The following USP14 variants were observed in gnomAD, a reference collection of about 807,000 sequenced individuals.
USP14 encodes ubiquitin specific peptidase 14.
In USP14, 38 loss-of-function variants were observed where a neutral mutation model predicts 76.5. That is an observed-to-expected ratio of 0.50 (90% CI 0.38 to 0.65). The LOEUF is 0.65. Ranked by LOEUF, USP14 falls within the 30% of genes least tolerant of loss-of-function variation. USP14 has a pLI of 0.00. For missense variants in USP14, 467 were observed against 586.5 expected (o/e 0.80, Z 2.10); for synonymous variants, 192 against 191.7 (o/e 1.00, Z -0.01).
Position 182,602 on chromosome 18 carries a change from C to CT in USP14, c.404+2264dup, listed in dbSNP as rs1567830008. Among the ~76,000 whole-genome samples, 4 of 152,290 alleles carry CT rather than the reference C, an allele frequency of 2.6e-5. No individual in the cohort carries two copies. The South Asian group carries it at 8.3e-4, about 32-fold the overall frequency. On this transcript the variant is annotated intron_variant, in intron 5 of 15. Transcript: ENST00000261601. ...GCACCTACAGTCTAATAGAGAAAGA[C>CT]TATCAAGTAAACAGGTACTGTTTCA... is the stretch of plus-strand genomic sequence containing the variant.
intron 5 of USP14, among the ~76,000 whole-genome samples, chr18:181,544 A>G (rs962097566): frequency 2.0e-5 from 3 of 152,148 alleles, no homozygotes; most frequent in Non-Finnish European, 4.4e-5. Flanking sequence ...TAAAAATTCA[A>G]TTGTGTTTTT....
At chr18:185,349 G>A (rs576284092) in intron 5 of USP14, among the ~76,000 whole-genome samples, 48 of 152,112 alleles carry the variant, frequency 3.2e-4, no homozygotes, top group African/African-American at 1.1e-3. Flanking sequence ...AGTAGAGACG[G>A]GTTTTGCTAT....
In USP14 at chr18:198,105, A is replaced by G; in HGVS notation, c.734A>G (p.Gln245Arg). 6.2e-7 allele frequency: 1 copy of G among 1,609,912 alleles called. No individual in the cohort carries two copies. Among genetic ancestry groups the G allele is most frequent in the Non-Finnish European group, 8.5e-7 (1 of 1,177,284 alleles). The change falls in exon 9 of 16, where the codon CAG becomes CGG. Residue 245 changes from glutamine to arginine, a missense_variant. Transcript: ENST00000261601. ...TPSKKKSLIDQFFGVEFETTM... is the reference protein window; with the variant it reads ...TPSKKKSLIDRFFGVEFETTM... ...TCTAAAAAGAAAAGTTTAATCGATC[A>G]GTTCTTCGGTGTTGAGTTTGAAACT...
At chr18:165,552 A>G (rs1158651981) in intron 2 of USP14, among the ~76,000 whole-genome samples, 2 of 152,186 alleles carry the variant, frequency 1.3e-5, no homozygotes, top group South Asian at 2.1e-4. Context: ...TTGAGTACTT[A>G]TTTTATGTCA....
rs1194946972 is a variant in USP14 at position 211,464 on chromosome 18, A to G, written c.*180A>G. ...CCTAAAAAATTACAGAGAAGAGAAA[A>G]TTATCTTTGGATTGTGCTGCCCTAT... On this transcript the variant is annotated 3_prime_UTR_variant, in exon 16 of 16. Transcript: ENST00000261601. The G allele has an allele frequency of 7.5e-6, 4 of 535,920 alleles. No individual in the cohort carries two copies. The highest frequency in any genetic ancestry group is 1.2e-5 in the Non-Finnish European group (4 of 322,738). The allele number at this position is 535,920 out of a possible 1,614,324, so 33.2% of individuals were successfully genotyped here.
intron 6 of USP14, 98 bp from the exon 7 acceptor site, chr18:196,535 AAATT>A (rs925415549): frequency 8.6e-6 from 12 of 1,395,118 alleles, no homozygotes; most frequent in East Asian, 7.8e-5. Context: ...AAAAAAAAAA[AAATT>A]AAGTAAGTTT....
chr18:172,859 G>A (rs936013380), intron 3 of USP14, among the ~76,000 whole-genome samples: 4 of 152,056 alleles, frequency 2.6e-5, no homozygotes, highest in South Asian at 2.1e-4. Context: ...GCTTTATTGC[G>A]ATATTTGCTT....
intron 5 of USP14, among the ~76,000 whole-genome samples, chr18:191,450 A>G (rs1256888544): frequency 6.6e-6 from 1 of 152,204 alleles, no homozygotes; most frequent in Non-Finnish European, 1.5e-5. Flanking sequence ...AGTGAAATGC[A>G]TATATCTTAA....
intron 13 of USP14, among the ~76,000 whole-genome samples, chr18:208,747 CATTT>C (rs1179664330): frequency 6.6e-6 from 1 of 151,940 alleles, no homozygotes; most frequent in Non-Finnish European, 1.5e-5. Flanking sequence ...AATTCTATTA[CATTT>C]ATTTATTTAT....
At chr18:194,644 A>T (rs1910181287) in intron 6 of USP14, among the ~76,000 whole-genome samples, 1 of 152,164 alleles carries the variant, frequency 6.6e-6, no homozygotes, top group South Asian at 2.1e-4. Context: ...AATTTTCAGA[A>T]TCTGGGCTGG....
intron 3 of USP14, among the ~76,000 whole-genome samples, chr18:170,238 A>T (rs1033651786): frequency 7.2e-5 from 11 of 152,170 alleles, no homozygotes; most frequent in Admixed American, 6.5e-4. Context: ...TGGGAGATGG[A>T]GGTTGCAGTG....
At chr18:189,349 C>T (rs1248869618) in intron 5 of USP14, among the ~76,000 whole-genome samples, 2 of 151,998 alleles carry the variant, frequency 1.3e-5, no homozygotes, top group African/African-American at 2.4e-5. Flanking sequence ...TGTTTACTTA[C>T]CCTTGTGTAG....
At chr18:167,934 CTTTTT>C (rs34207469) in intron 3 of USP14, among the ~76,000 whole-genome samples, 1 of 116,120 alleles carries the variant, frequency 8.6e-6, no homozygotes. Context: ...ATTTTTCTCT[CTTTTT>C]TTTTTTTTTT....
Position 214,519 on chromosome 18 carries a change from A to G in USP14, c.*3235A>G. ...CAGAGCACCAGCCGACTGTACAACA[A>G]TTGTTATAAAAATGTTTATTGTTTA... On this transcript the variant is annotated 3_prime_UTR_variant, in exon 16 of 16. Coordinates refer to ENST00000261601, the MANE Select transcript of USP14 (RefSeq NM_005151.4). 1.1e-6 allele frequency: 1 copy of G among 886,404 alleles called. No individual in the cohort carries two copies. Among genetic ancestry groups the G allele is most frequent in the Middle Eastern group, 3.2e-4 (1 of 3,086 alleles). The allele number at this position is 886,404 out of a possible 1,614,324, so 54.9% of individuals were successfully genotyped here.
chr18:163,158 A>G (rs555068794), intron 1 of USP14, 150 bp from the exon 2 acceptor site: 61 of 620,500 alleles, frequency 9.8e-5, no homozygotes, highest in East Asian at 6.0e-4. Context: ...TACTGCATGC[A>G]TGCTCCTCTT....
rs1258217854 is a variant in USP14 at position 203,139 on chromosome 18, G to T, written c.984G>T (p.Met328Ile). The T allele has an allele frequency of 7.4e-6, 12 of 1,613,882 alleles. No homozygotes were observed. The highest frequency in any genetic ancestry group is 9.3e-6 in the Non-Finnish European group (11 of 1,179,988). The change falls in exon 12 of 16, where the codon ATG (methionine) becomes ATT (isoleucine). Residue 328 changes from methionine to isoleucine, a missense_variant. Coordinates refer to ENST00000261601, the MANE Select transcript of USP14 (RefSeq NM_005151.4). Reference protein sequence around the residue: ...SRLPAYLTIQMVRFFYKEKES... With the variant: ...SRLPAYLTIQIVRFFYKEKES... ...TGCCTGCTTACTTGACCATTCAGAT[G>T]GTTCGATTTTTTTATAAAGAGAAGG...
In USP14 at chr18:180,254, T is replaced by C. The variant is rs201237605; in HGVS notation, c.319T>C (p.Leu107=). Residue 107 remains leucine (L), a synonymous_variant, in exon 5 of 16, where the codon TTG becomes CTG. Transcript: ENST00000261601. ...CAACTAGATGGAGTTACCATGTGGA[T>C]TGACAAACCTTGGTAACACTTGTTA... is the stretch of plus-strand genomic sequence containing the variant. ...LASAMELPCG[L]TNLGNTCYMN... 339 of 1,559,192 alleles carry C rather than the reference T, an allele frequency of 2.2e-4. 1 individual carries two copies. Among genetic ancestry groups the C allele is most frequent in the Non-Finnish European group, 6.7e-5 (78 of 1,162,332 alleles).
intron 6 of USP14, among the ~76,000 whole-genome samples, chr18:195,047 C>G (rs1433103655): frequency 1.4e-5 from 2 of 144,686 alleles, no homozygotes; most frequent in South Asian, 4.4e-4. Context: ...TTTTTTTTTT[C>G]CTTCTTCAGG....
chr18:210,193 G>T, intron 14 of USP14, 162 bp downstream of exon 14: 1 of 705,824 alleles, frequency 1.4e-6, no homozygotes, highest in Non-Finnish European at 2.3e-6. Context: ...TTACTCATTG[G>T]CATACAGTTC....
Sources: gnomAD v4.1 joint callset for allele counts (sites outside exome capture counted in the v4.1 genomes callset) on GRCh38, gnomAD v4.1.1 for gene constraint, MANE v1.5 for transcripts, NCBI Gene and HGNC (gene_info 2026-07-23, HGNC 2026-07-21) for gene names.